Variants in ADAMTS3 observed in about 807,000 individuals in gnomAD.
ADAMTS3 encodes the protein ADAM metallopeptidase with thrombospondin type 1 motif 3, also known as A disintegrin and metalloproteinase with thrombospondin motifs 3.
A neutral mutation model predicts 129.0 loss-of-function variants in ADAMTS3; 73 were observed. The ratio of observed to expected loss-of-function variants is 0.57; its 90% CI spans 0.47 to 0.69. The LOEUF (loss-of-function observed/expected upper bound fraction) is 0.69, where lower values mean the gene tolerates loss of function less well. ADAMTS3 is among the 30% of genes least tolerant of loss of function. The pLI, the probability that ADAMTS3 is intolerant of heterozygous loss-of-function variation, is 0.00. For synonymous variants in ADAMTS3, 477 were observed against 510.8 expected, an observed-to-expected ratio of 0.93 and a Z score of 0.89; for missense variants, 1,457 against 1,514.5, an observed-to-expected ratio of 0.96 and a Z score of 0.63.
chr4:72,473,558 A>T (rs1560529404), intron 3 of ADAMTS3, among the ~76,000 whole-genome samples: 1 of 151,970 alleles, frequency 6.6e-6, no homozygotes, highest in African/African-American at 2.4e-5. Flanking sequence ...CACAGAAAAA[A>T]AAAAAAAAAA....
chr4:72,490,878 A>C (rs542024249), intron 3 of ADAMTS3, among the ~76,000 whole-genome samples: 1 of 151,978 alleles, frequency 6.6e-6, no homozygotes, highest in South Asian at 2.1e-4. Context: ...ACTTCCATGA[A>C]GCTTTTGATA....
At chr4:72,445,642 T>C (rs1232014475) in intron 3 of ADAMTS3, among the ~76,000 whole-genome samples, 1 of 151,714 alleles carries the variant, frequency 6.6e-6, no homozygotes, top group Non-Finnish European at 1.5e-5. Flanking sequence ...GCTAAACAAA[T>C]GTATATGTAC....
intron 4 of ADAMTS3, among the ~76,000 whole-genome samples, chr4:72,403,805 A>G (rs181818769): frequency 1.9e-3 from 286 of 152,144 alleles, no homozygotes; most frequent in African/African-American, 6.7e-3. Context: ...CAACTGTAAC[A>G]ATTTGAAACT....
intron 4 of ADAMTS3, among the ~76,000 whole-genome samples, chr4:72,408,050 T>C (rs559340412): frequency 4.0e-4 from 61 of 152,234 alleles, no homozygotes; most frequent in African/African-American, 1.3e-3. Flanking sequence ...ATTTCTAGTA[T>C]CTAGAAAGAA....
chr4:72,445,080 C>T (rs573828329), intron 3 of ADAMTS3, among the ~76,000 whole-genome samples: 1 of 151,546 alleles, frequency 6.6e-6, no homozygotes, highest in South Asian at 2.1e-4. Context: ...TGCTAATGGG[C>T]ACGTGGTTTA....
At chr4:72,551,737 C>T (rs903121678) in intron 2 of ADAMTS3, among the ~76,000 whole-genome samples, 1 of 152,110 alleles carries the variant, frequency 6.6e-6, no homozygotes. Flanking sequence ...AGAAAGCAGA[C>T]CTAGAAGACT....
intron 2 of ADAMTS3, among the ~76,000 whole-genome samples, chr4:72,556,758 A>G (rs1262386368): frequency 6.6e-6 from 1 of 151,704 alleles, no homozygotes; most frequent in Non-Finnish European, 1.5e-5. Flanking sequence ...AATAATGGGG[A>G]CCAAATGAAG....
intron 4 of ADAMTS3, among the ~76,000 whole-genome samples, chr4:72,409,040 A>G (rs1416928709): frequency 6.6e-6 from 1 of 152,150 alleles, no homozygotes; most frequent in Non-Finnish European, 1.5e-5. Context: ...GGTTCTGCAC[A>G]TGTAACCCAG....
intron 3 of ADAMTS3, among the ~76,000 whole-genome samples, chr4:72,419,976 A>G (rs770979627): frequency 1.8e-4 from 27 of 152,192 alleles, no homozygotes; most frequent in Non-Finnish European, 3.5e-4. Flanking sequence ...GAAGCAAGCA[A>G]GAAGCTAAAA....
chr4:72,547,863 G>A (rs1721504510), intron 3 of ADAMTS3, among the ~76,000 whole-genome samples: 1 of 152,112 alleles, frequency 6.6e-6, no homozygotes, highest in Non-Finnish European at 1.5e-5. Flanking sequence ...ACAAACCTGA[G>A]TCTACGTAGC....
chr4:72,531,421 A>G (rs1721037828), intron 3 of ADAMTS3, among the ~76,000 whole-genome samples: 1 of 152,174 alleles, frequency 6.6e-6, no homozygotes, highest in South Asian at 2.1e-4. Context: ...TCTGGAGCTC[A>G]GAAGAGAAGT....
At chr4:72,350,334 A>C (rs1157069857) in intron 4 of ADAMTS3, among the ~76,000 whole-genome samples, 1 of 152,072 alleles carries the variant, frequency 6.6e-6, no homozygotes, top group African/African-American at 2.4e-5. Context: ...ATGTTTTCTA[A>C]GATGTATAAA....
Position 72,349,332 on chromosome 4 carries a change from T to C in ADAMTS3, c.662-9639A>G, listed in dbSNP as rs551170836. Among the ~76,000 whole-genome samples, 13 of 152,192 alleles carry C rather than the reference T, an allele frequency of 8.5e-5. No individual in the cohort carries two copies. The South Asian group carries it at 2.1e-3, about 24-fold the overall frequency. On this transcript the variant is annotated intron_variant, in intron 4 of 21. Coordinates refer to ENST00000286657, the MANE Select transcript of ADAMTS3 (RefSeq NM_014243.3). ...GATCATACATGATTGATCATACTTA[T>C]AAATTTGATGCTAAATCCTTCGTCA...
chr4:72,522,411 G>T, intron 3 of ADAMTS3, among the ~76,000 whole-genome samples: 1 of 152,214 alleles, frequency 6.6e-6, no homozygotes, highest in East Asian at 1.9e-4. Flanking sequence ...AGATGAAATA[G>T]CACCCACTAC....
At chr4:72,356,083 T>A (rs138347182) in intron 4 of ADAMTS3, among the ~76,000 whole-genome samples, 10 of 152,128 alleles carry the variant, frequency 6.6e-5, no homozygotes, top group African/African-American at 2.2e-4. Context: ...CCAAATGAAC[T>A]GGAAATACAG....
chr4:72,421,949 C>G (rs1261330838), intron 3 of ADAMTS3, among the ~76,000 whole-genome samples: 1 of 152,094 alleles, frequency 6.6e-6, no homozygotes, highest in Non-Finnish European at 1.5e-5. Flanking sequence ...CTAGAATGCC[C>G]ATTTAGGTAG....
In ADAMTS3 at chr4:72,312,316, G is replaced by GTGGTGTTTGGTATTC; in HGVS notation, c.1881_1895dup (p.Gln627_His631dup). The GTGGTGTTTGGTATTC allele has an allele frequency of 2.5e-6, 4 of 1,613,694 alleles. No homozygotes were observed. Among genetic ancestry groups the GTGGTGTTTGGTATTC allele is most frequent in the Non-Finnish European group, 3.4e-6 (4 of 1,179,724 alleles). ...GGTCAGGATGTTCATATGGCAACCA[G>GTGGTGTTTGGTATTC]TGGTGTTTGGTATTCTGGTATTCAA... On this transcript the variant is annotated inframe_insertion, in exon 13 of 22. Coordinates refer to ENST00000286657, the MANE Select transcript of ADAMTS3 (RefSeq NM_014243.3).
chr4:72,542,592 C>A, intron 3 of ADAMTS3, among the ~76,000 whole-genome samples: 1 of 152,180 alleles, frequency 6.6e-6, no homozygotes, highest in Non-Finnish European at 1.5e-5. Context: ...TTAGGAACTT[C>A]TTTTTATAGT....
At chr4:72,338,981 G>T (rs1271761111) in intron 5 of ADAMTS3, among the ~76,000 whole-genome samples, 2 of 152,058 alleles carry the variant, frequency 1.3e-5, no homozygotes, top group Non-Finnish European at 2.9e-5. Context: ...TGTATGCTTT[G>T]TATTAATAAA....
Sources: allele counts gnomAD v4.1 joint callset (sites outside exome capture counted in the v4.1 genomes callset), GRCh38; gene constraint gnomAD v4.1.1; transcripts MANE v1.5; gene names NCBI Gene and HGNC (gene_info 2026-07-23, HGNC 2026-07-21).